ADGRV1: variants seen among roughly 807,000 people sequenced by gnomAD.
ADGRV1 encodes the protein G-protein coupled receptor 98.
Under a neutral mutation model 596.2 loss-of-function variants are expected in ADGRV1, and 359 were observed. The observed-to-expected ratio is 0.60, with a 90% confidence interval of 0.55 to 0.66. ADGRV1 has a LOEUF of 0.66. Ranked by LOEUF, ADGRV1 falls within the 30% of genes least tolerant of loss-of-function variation. ADGRV1 has a pLI of 0.00. For missense variants in ADGRV1, 7,274 were observed against 7,575.6 expected (o/e 0.96, Z 1.48); for synonymous variants, 2,681 against 2,679.2 (o/e 1.00, Z -0.02).
chr5:90,585,800 A>G (rs747249995), intron 1 of ADGRV1, among the ~76,000 whole-genome samples: 1 of 152,200 alleles, frequency 6.6e-6, no homozygotes, highest in Admixed American at 6.5e-5. Context: ...TTCCACTACA[A>G]TGATTCAGCC....
chr5:90,633,398 T>A (rs869147078), intron 9 of ADGRV1, among the ~76,000 whole-genome samples: 1 of 151,798 alleles, frequency 6.6e-6, no homozygotes, highest in East Asian at 1.9e-4. Flanking sequence ...TGTGTAAAAA[T>A]TATTGTTTTT....
At chr5:90,647,122 A>G (rs895989916) in intron 16 of ADGRV1, among the ~76,000 whole-genome samples, 3 of 152,254 alleles carry the variant, frequency 2.0e-5, no homozygotes, top group African/African-American at 7.2e-5. Flanking sequence ...AATTAGCCTT[A>G]TGTTCAACCT....
intron 70 of ADGRV1, among the ~76,000 whole-genome samples, chr5:90,799,730 T>G (rs532458726): frequency 2.6e-3 from 397 of 152,006 alleles, no homozygotes; most frequent in African/African-American, 9.2e-3. Flanking sequence ...CCAAAACAGA[T>G]ATATAGACCA....
At chr5:90,788,591 A>G (rs1038517851) in intron 68 of ADGRV1, among the ~76,000 whole-genome samples, 1 of 152,174 alleles carries the variant, frequency 6.6e-6, no homozygotes, top group African/African-American at 2.4e-5. Flanking sequence ...ACAGTTTTAG[A>G]GCAGAGGTAT....
At chr5:90,674,607 T>C (rs1772962641) in intron 23 of ADGRV1, 1 of 157,592 alleles carries the variant, frequency 6.3e-6, no homozygotes, top group South Asian at 2.0e-4. Context: ...GAAGTGAAGC[T>C]ATCACTCTAT....
chr5:90,811,088 T>G lies in ADGRV1; in HGVS notation c.15828T>G (p.Phe5276Leu). The change falls in exon 74 of 90, where the codon TTT becomes TTG. Residue 5276 changes from phenylalanine (F) to leucine (L), a missense_variant. Physicochemically the swap from Phe to Leu is conservative, Grantham distance 22. Transcript: ENST00000405460. ...CAQMEPNALP[F>L]RGIYGISNLT... is the part of the protein sequence containing the mutation. The stretch of plus-strand genomic sequence containing the variant: ...AGATGGAACCAAATGCATTGCCCTT[T>G]CGTGGTATCTATGGGATTTCCAACC... 1 of 1,613,896 alleles carries G rather than the reference T, an allele frequency of 6.2e-7. No homozygotes were observed. Among genetic ancestry groups the G allele is most frequent in the Non-Finnish European group, 8.5e-7 (1 of 1,179,772 alleles).
At chr5:91,027,531 C>G (rs148121172) in intron 85 of ADGRV1, among the ~76,000 whole-genome samples, 2 of 152,102 alleles carry the variant, frequency 1.3e-5, no homozygotes, top group Non-Finnish European at 2.9e-5. Flanking sequence ...AGGACAGGCA[C>G]TCTGGAAGGA....
chr5:90,992,423 T>C (rs1781047294), intron 85 of ADGRV1, among the ~76,000 whole-genome samples: 1 of 152,232 alleles, frequency 6.6e-6, no homozygotes. Flanking sequence ...ATCCAACTAA[T>C]GTTTTGAGTT....
At chr5:91,022,261 A>G (rs912912297) in intron 85 of ADGRV1, among the ~76,000 whole-genome samples, 1 of 152,032 alleles carries the variant, frequency 6.6e-6, no homozygotes, top group African/African-American at 2.4e-5. Flanking sequence ...AGAATCTATG[A>G]TGACAGATCT....
chr5:91,140,921 T>A (rs1358186737), intron 87 of ADGRV1, among the ~76,000 whole-genome samples: 1 of 152,192 alleles, frequency 6.6e-6, no homozygotes, highest in Non-Finnish European at 1.5e-5. Flanking sequence ...AAGGAAAGGC[T>A]GAAGAACAGG....
chr5:90,693,825 C>A, intron 32 of ADGRV1, 65 bp from the exon 33 acceptor site: 1 of 1,229,204 alleles, frequency 8.1e-7, no homozygotes, highest in Non-Finnish European at 1.1e-6. Context: ...GTCAGCATTC[C>A]TCTTCTCTAT....
intron 85 of ADGRV1, among the ~76,000 whole-genome samples, chr5:91,041,712 C>T (rs896123924): frequency 6.6e-6 from 1 of 151,596 alleles, no homozygotes; most frequent in Non-Finnish European, 1.5e-5. Flanking sequence ...GAACCAAAAC[C>T]TACTTGAAAG....
chr5:91,054,562 G>A (rs1786667024), intron 85 of ADGRV1, among the ~76,000 whole-genome samples: 2 of 152,112 alleles, frequency 1.3e-5, no homozygotes, highest in South Asian at 4.2e-4. Flanking sequence ...TCTGGAGGCT[G>A]GGAAGTTCAA....
chr5:90,793,509 C>T (rs374127029), intron 70 of ADGRV1, among the ~76,000 whole-genome samples: 18 of 152,148 alleles, frequency 1.2e-4, no homozygotes, highest in African/African-American at 4.3e-4. Flanking sequence ...GTGTATAGTA[C>T]AAAATTGCTC....
intron 39 of ADGRV1, among the ~76,000 whole-genome samples, chr5:90,710,088 AC>A (rs1749136088): frequency 1.3e-5 from 2 of 152,022 alleles, no homozygotes; most frequent in Non-Finnish European, 2.9e-5. Flanking sequence ...ATGGATGCAA[AC>A]CCTGATTTTA....
At chr5:90,811,488 C>G in intron 74 of ADGRV1, 150 bp downstream of exon 74, 1 of 716,832 alleles carries the variant, frequency 1.4e-6, no homozygotes, top group Non-Finnish European at 2.2e-6. Context: ...GTAGCATGGA[C>G]CCATGACATG....
chr5:90,653,389 T>G lies in ADGRV1; in HGVS notation c.3815T>G (p.Leu1272Trp). The G allele has an allele frequency of 1.2e-6, 2 of 1,613,994 alleles. No individual in the cohort carries two copies. The highest frequency in any genetic ancestry group is 1.7e-6 in the Non-Finnish European group (2 of 1,179,886). Reference sequence around the variant, plus strand: ...TCTTATATTACCAACTTCACCATTTTGAGGCAGCAGGGTGTGTTTGGTGAT... The same window carrying G: ...TCTTATATTACCAACTTCACCATTTGGAGGCAGCAGGGTGTGTTTGGTGAT... Reference protein sequence around the residue: ...DMSYITNFTILRQQGVFGDVQ... With the variant: ...DMSYITNFTIWRQQGVFGDVQ... The change falls in exon 20 of 90, where the codon TTG becomes TGG. Residue 1272 changes from leucine (L) to tryptophan (W), a missense_variant. Transcript: ENST00000405460.
intron 85 of ADGRV1, among the ~76,000 whole-genome samples, chr5:90,994,903 C>T (rs1781285959): frequency 6.6e-6 from 1 of 152,178 alleles, no homozygotes; most frequent in Non-Finnish European, 1.5e-5. Flanking sequence ...GCTCTATGTG[C>T]ATGTTGGGGC....
At position 90,628,550 on chromosome 5, in the gene ADGRV1, A is replaced by T; in HGVS notation, c.1239-12A>T. 2 of 1,609,192 alleles carry T rather than the reference A, an allele frequency of 1.2e-6. No homozygotes were observed. Among genetic ancestry groups the T allele is most frequent in the Non-Finnish European group, 8.5e-7 (1 of 1,175,940 alleles). On this transcript the variant is annotated splice_polypyrimidine_tract_variant and intron_variant, in intron 7 of 89. Transcript: ENST00000405460. ...CTATGTGACAATATGTATTTCTTTT[A>T]AAACATTTAAGATATGAAGAAATCA... is the stretch of plus-strand genomic sequence containing the variant.
Sources: gnomAD v4.1 joint callset for allele counts (sites outside exome capture counted in the v4.1 genomes callset) on GRCh38, gnomAD v4.1.1 for gene constraint, MANE v1.5 for transcripts, NCBI Gene and HGNC (gene_info 2026-07-23, HGNC 2026-07-21) for gene names.